Variants in COL4A5 observed in about 807,000 individuals in gnomAD.
COL4A5 encodes collagen type IV alpha 5 chain, also known as collagen alpha-5(IV) chain.
A neutral mutation model predicts 130.2 loss-of-function variants in COL4A5; 26 were observed. The ratio of observed to expected loss-of-function variants is 0.20; its 90% confidence interval spans 0.15 to 0.28. COL4A5 has a LOEUF of 0.28. Ranked by LOEUF, COL4A5 falls within the 10% of genes least tolerant of loss-of-function variation. The pLI is 1.00. For missense variants in COL4A5, 1,131 were observed against 1,344.3 expected, an observed-to-expected ratio of 0.84 and a Z score of 2.48; for synonymous variants, 496 against 439.6, an observed-to-expected ratio of 1.13 and a Z score of -1.60.
chrX:108,557,894 G>A (rs189637737), intron 2 of COL4A5, among the ~76,000 whole-genome samples: 327 of 110,463 alleles, frequency 3.0e-3, no homozygotes, highest in African/African-American at 0.01. Flanking sequence ...TTGGGAGCAC[G>A]TGCCATGAAG....
intron 1 of COL4A5, among the ~76,000 whole-genome samples, chrX:108,503,087 C>T (rs1045457978): frequency 1.8e-5 from 2 of 111,414 alleles, no homozygotes; most frequent in Admixed American, 1.9e-4. Flanking sequence ...TTTTTTTCTG[C>T]CATTTATATT....
chrX:108,660,869 T>A (rs1453852598), intron 37 of COL4A5, among the ~76,000 whole-genome samples: 1 of 111,999 alleles, frequency 8.9e-6, no homozygotes, highest in East Asian at 2.8e-4. Flanking sequence ...TATATGGTGG[T>A]GGTCTCATAT....
chrX:108,455,376 C>T (rs966800532), intron 1 of COL4A5, among the ~76,000 whole-genome samples: 23 of 111,973 alleles, frequency 2.1e-4, no homozygotes, highest in African/African-American at 7.5e-4. Context: ...TTGCTATGGG[C>T]ATTTTCTTGC....
chrX:108,540,998 T>C (rs1231056862), intron 2 of COL4A5, among the ~76,000 whole-genome samples: 1 of 112,306 alleles, frequency 8.9e-6, no homozygotes, highest in Admixed American at 9.4e-5. Context: ...GCTAATTATA[T>C]ATGAAGCAGT....
intron 29 of COL4A5, among the ~76,000 whole-genome samples, chrX:108,614,608 T>A (rs759959936): frequency 8.9e-6 from 1 of 111,950 alleles, no homozygotes; most frequent in Non-Finnish European, 1.9e-5. Context: ...TGAAAATATA[T>A]TTTAAACTTA....
At chrX:108,683,897 T>G (rs2068488867) in intron 47 of COL4A5, among the ~76,000 whole-genome samples, 1 of 111,730 alleles carries the variant, frequency 9.0e-6, no homozygotes, top group Non-Finnish European at 1.9e-5. Context: ...TCATTTTGCC[T>G]GATTGCCCTG....
chrX:108,487,097 G>C (rs2064951801), intron 1 of COL4A5, among the ~76,000 whole-genome samples: 2 of 111,953 alleles, frequency 1.8e-5, no homozygotes, highest in African/African-American at 6.5e-5. Flanking sequence ...TAGTGTAGAA[G>C]TGTTCCCTTT....
chrX:108,618,554 A>C (rs1400379821), intron 30 of COL4A5, among the ~76,000 whole-genome samples: 2 of 111,952 alleles, frequency 1.8e-5, no homozygotes, highest in Non-Finnish European at 3.8e-5. Flanking sequence ...TTATTATGTC[A>C]TTATTGGCAA....
chrX:108,534,282 A>G (rs759357607), intron 1 of COL4A5, among the ~76,000 whole-genome samples: 5 of 112,018 alleles, frequency 4.5e-5, no homozygotes, highest in Admixed American at 9.5e-5. Flanking sequence ...AAATACCTAC[A>G]CTTGCCTGTT....
chrX:108,592,460 C>T (rs934493582), intron 21 of COL4A5, among the ~76,000 whole-genome samples: 3 of 110,891 alleles, frequency 2.7e-5, no homozygotes, highest in Non-Finnish European at 5.7e-5. Flanking sequence ...AGCTGTTTCT[C>T]TATTTTTCTA....
chrX:108,458,615 T>G (rs1013317466), intron 1 of COL4A5, among the ~76,000 whole-genome samples: 1 of 111,868 alleles, frequency 8.9e-6, no homozygotes, highest in East Asian at 2.8e-4. Context: ...TATAGGTCAT[T>G]TTTGGGAAAA....
intron 21 of COL4A5, 25 bp downstream of exon 21, chrX:108,591,669 C>T (rs1402842024): frequency 2.7e-6 from 3 of 1,096,729 alleles, no homozygotes; most frequent in Non-Finnish European, 3.8e-6. Context: ...CATATTCATT[C>T]CTTCATTTTC....
In COL4A5 at chrX:108,476,924, C is replaced by T. The variant is rs762554832; in HGVS notation, c.81+36718C>T. Reference sequence around the variant, plus strand: ...AGATATCTCTTTGATCTACTTATTTCCTTTATTTTGTATATTGCATTAGTT... The same window carrying T: ...AGATATCTCTTTGATCTACTTATTTTCTTTATTTTGTATATTGCATTAGTT... On this transcript the variant is annotated intron_variant, in intron 1 of 52. Transcript: ENST00000328300. 5.4e-5 allele frequency among the ~76,000 whole-genome samples: 6 copies of T among 111,592 alleles called. No homozygotes were observed. The South Asian group carries it at 1.9e-3, about 35-fold the overall frequency.
chrX:108,456,436 A>G (rs1002662141), intron 1 of COL4A5, among the ~76,000 whole-genome samples: 3 of 111,933 alleles, frequency 2.7e-5, no homozygotes, highest in African/African-American at 9.7e-5. Context: ...GCATTTCTAA[A>G]TTTATTCATT....
At chrX:108,675,751 A>G (rs2068290943) in intron 43 of COL4A5, among the ~76,000 whole-genome samples, 1 of 111,870 alleles carries the variant, frequency 8.9e-6, no homozygotes, top group African/African-American at 3.2e-5. Context: ...AAAGATGCTC[A>G]TATTTTAAGA....
At chrX:108,444,761 G>A (rs968193706) in intron 1 of COL4A5, among the ~76,000 whole-genome samples, 6 of 111,831 alleles carry the variant, frequency 5.4e-5, no homozygotes, top group African/African-American at 1.6e-4. Context: ...CTTTATATAT[G>A]TCAAAATCAT....
At chrX:108,589,981 A>G (rs2066404050) in intron 19 of COL4A5, among the ~76,000 whole-genome samples, 1 of 112,055 alleles carries the variant, frequency 8.9e-6, no homozygotes, top group South Asian at 3.6e-4. Flanking sequence ...AAAGACATGA[A>G]CAGAACACTT....
At position 108,500,539 on chromosome X, in the gene COL4A5, G is replaced by A. The variant is rs779483667; in HGVS notation, c.82-39207G>A. ...GAAAATTACTTTGAAGAATTATCTA[G>A]TCACATTTGGTTAATGTGGGCAATG... is the stretch of plus-strand genomic sequence containing the variant. On this transcript the variant is annotated intron_variant, in intron 1 of 52. Coordinates refer to ENST00000328300, the MANE Select transcript of COL4A5 (RefSeq NM_033380.3). Among the ~76,000 whole-genome samples, 4 of 111,924 alleles carry A rather than the reference G, an allele frequency of 3.6e-5. No individual in the cohort carries two copies. The South Asian group carries it at 1.5e-3, about 41-fold the overall frequency.
intron 1 of COL4A5, among the ~76,000 whole-genome samples, chrX:108,499,204 G>A (rs754667896): frequency 9.0e-6 from 1 of 111,338 alleles, no homozygotes; most frequent in South Asian, 3.7e-4. Context: ...ATCATGAATG[G>A]ATATTGAATT....
Sources: allele counts gnomAD v4.1 joint callset (sites outside exome capture counted in the v4.1 genomes callset), GRCh38; gene constraint gnomAD v4.1.1; transcripts MANE v1.5; gene names NCBI Gene and HGNC (gene_info 2026-07-23, HGNC 2026-07-21).